Variants in KCMF1 observed in about 807,000 individuals in gnomAD.
KCMF1 encodes E3 ubiquitin-protein ligase KCMF1.
A neutral mutation model predicts 41.1 loss-of-function variants in KCMF1; 3 were observed. The observed-to-expected ratio is 0.07, with a 90% CI of 0.03 to 0.19. The LOEUF (loss-of-function observed/expected upper bound fraction) is 0.19, where lower values mean the gene tolerates loss of function less well. KCMF1 is among the 10% of genes least tolerant of loss of function. KCMF1 has a pLI of 1.00. For synonymous variants in KCMF1, 142 were observed against 164.5 expected (o/e 0.86, Z 1.04); for missense variants, 286 against 488.9 (o/e 0.58, Z 3.91).
chr2:85,053,375 A>G lies in KCMF1; in HGVS notation c.1112A>G (p.Asn371Ser), dbSNP rs756701022. Reference sequence around the variant, plus strand: ...GAAAACCTAAATTTAAAAGAGAGTAATAAAGGAAATGAGCCTCCACCACCT... The same window carrying G: ...GAAAACCTAAATTTAAAAGAGAGTAGTAAAGGAAATGAGCCTCCACCACCT... ...ALENLNLKESNKGNEPPPPPL is the reference protein window; with the variant it reads ...ALENLNLKESSKGNEPPPPPL The change falls in exon 7 of 7, where the codon AAT (asparagine) becomes AGT (serine). Residue 371 changes from asparagine (N) to serine (S), a missense_variant. This residue lies in a region of KCMF1 where 191 missense variants were observed against 279.3 expected (regional missense o/e 0.68). Transcript: ENST00000409785. The G allele has an allele frequency of 6.2e-7, 1 of 1,613,306 alleles. No homozygotes were observed. The highest frequency in any genetic ancestry group is 1.1e-5 in the South Asian group (1 of 90,942).
intron 1 of KCMF1, among the ~76,000 whole-genome samples, chr2:85,026,988 A>T (rs1175519541): frequency 6.6e-6 from 1 of 152,186 alleles, no homozygotes; most frequent in Non-Finnish European, 1.5e-5. Context: ...ACCACTTAAA[A>T]TTCTTGACCC....
At chr2:85,001,695 C>T (rs887303368) in intron 1 of KCMF1, among the ~76,000 whole-genome samples, 8 of 152,138 alleles carry the variant, frequency 5.3e-5, no homozygotes, top group Non-Finnish European at 8.8e-5. Context: ...GTGGGTGATA[C>T]CTCCCAGTTG....
intron 1 of KCMF1, among the ~76,000 whole-genome samples, chr2:84,990,798 G>A (rs1030386012): frequency 7.2e-5 from 11 of 152,114 alleles, no homozygotes; most frequent in Admixed American, 1.3e-4. Flanking sequence ...GTTGGAACAC[G>A]GTAGGACAAC....
At chr2:85,052,475 C>G (rs1172478105) in intron 6 of KCMF1, among the ~76,000 whole-genome samples, 1 of 152,144 alleles carries the variant, frequency 6.6e-6, no homozygotes, top group African/African-American at 2.4e-5. Context: ...TATATTTCAT[C>G]AAGAAATTTG....
rs866021732 is a variant in KCMF1 at position 85,047,010 on chromosome 2, T to C, written c.601+732T>C. On this transcript the variant is annotated intron_variant, in intron 5 of 6. Transcript: ENST00000409785. Reference sequence around the variant, plus strand: ...AGGTGCCTAATTTATAAATTAAACTTTAGCACAACAGATAAGTATGTATAG... The same window carrying C: ...AGGTGCCTAATTTATAAATTAAACTCTAGCACAACAGATAAGTATGTATAG... Among the ~76,000 whole-genome samples the C allele has an allele frequency of 9.9e-5, 15 of 152,198 alleles. 1 individual carries two copies. The highest frequency in any genetic ancestry group is 6.2e-4 in the South Asian group (3 of 4,836).
At chr2:84,978,500 G>A (rs1244715163) in intron 1 of KCMF1, among the ~76,000 whole-genome samples, 1 of 148,864 alleles carries the variant, frequency 6.7e-6, no homozygotes, top group Non-Finnish European at 1.5e-5. Flanking sequence ...TTGGTTTTTG[G>A]GTTTTTTTTT....
At chr2:84,994,298 C>A (rs1674122516) in intron 1 of KCMF1, among the ~76,000 whole-genome samples, 1 of 152,074 alleles carries the variant, frequency 6.6e-6, no homozygotes, top group African/African-American at 2.4e-5. Flanking sequence ...CTTTTACTCA[C>A]AAATATTTCT....
At chr2:85,032,033 T>C (rs1675288723) in intron 2 of KCMF1, among the ~76,000 whole-genome samples, 1 of 152,228 alleles carries the variant, frequency 6.6e-6, no homozygotes, top group African/African-American at 2.4e-5. Context: ...CCACCGCGGC[T>C]GTTTTTTAAA....
At chr2:85,010,819 T>C (rs868395239) in intron 1 of KCMF1, among the ~76,000 whole-genome samples, 1 of 151,990 alleles carries the variant, frequency 6.6e-6, no homozygotes, top group Admixed American at 6.6e-5. Context: ...TGGATTCCTG[T>C]GTTATTCAGT....
chr2:84,972,971 T>C (rs1324439220), intron 1 of KCMF1, among the ~76,000 whole-genome samples: 2 of 152,228 alleles, frequency 1.3e-5, no homozygotes, highest in African/African-American at 2.4e-5. Flanking sequence ...CCACTTCGTC[T>C]GCTTAATCGA....
In KCMF1 at chr2:85,023,811, T is replaced by TTACA. The variant is rs940253145; in HGVS notation, c.17-4077_17-4074dup. The stretch of plus-strand genomic sequence containing the variant: ...AATTTTTCAAAGTGGTTGTGCTGAT[T>TTACA]TACACTCCTACCAGCAGGGTATAAG... On this transcript the variant is annotated intron_variant, in intron 1 of 6. Coordinates refer to ENST00000409785, the MANE Select transcript of KCMF1 (RefSeq NM_020122.5). Among the ~76,000 whole-genome samples, 49 of 152,314 alleles carry TTACA rather than the reference T, an allele frequency of 3.2e-4. 1 individual carries two copies. Among genetic ancestry groups the TTACA allele is most frequent in the Admixed American group, 2.4e-3 (37 of 15,294 alleles).
chr2:85,048,176 A>G lies in KCMF1; in HGVS notation c.602-1190A>G, dbSNP rs370925876. On this transcript the variant is annotated intron_variant, in intron 5 of 6. Transcript: ENST00000409785. ...ATCATGTTATTTAAAAGTTAGATAT[A>G]CCATATAAAATTTTAATTCCAAATG... is the stretch of plus-strand genomic sequence containing the variant. Among the ~76,000 whole-genome samples, 336 of 152,362 alleles carry G rather than the reference A, an allele frequency of 2.2e-3. 1 individual carries two copies. The highest frequency in any genetic ancestry group is 7.5e-3 in the African/African-American group (310 of 41,580).
At chr2:85,008,976 C>G (rs1459307727) in intron 1 of KCMF1, among the ~76,000 whole-genome samples, 1 of 151,996 alleles carries the variant, frequency 6.6e-6, no homozygotes, top group Non-Finnish European at 1.5e-5. Flanking sequence ...GCAGTCTTCC[C>G]ACCTTGGCCT....
At chr2:85,024,332 G>A (rs564438652) in intron 1 of KCMF1, among the ~76,000 whole-genome samples, 1 of 152,134 alleles carries the variant, frequency 6.6e-6, no homozygotes, top group Non-Finnish European at 1.5e-5. Flanking sequence ...AATTAGCTGG[G>A]CATGGTGCCA....
intron 6 of KCMF1, among the ~76,000 whole-genome samples, chr2:85,050,130 A>G (rs1472771860): frequency 2.6e-5 from 4 of 152,184 alleles, no homozygotes; most frequent in African/African-American, 9.7e-5. Context: ...CCTGGGTGAC[A>G]AGAGTGAGAC....
At chr2:85,050,320 G>A (rs2104066779) in intron 6 of KCMF1, among the ~76,000 whole-genome samples, 1 of 152,066 alleles carries the variant, frequency 6.6e-6, no homozygotes, top group Non-Finnish European at 1.5e-5. Flanking sequence ...AATCTGCTTT[G>A]AAATATTAAA....
At chr2:85,035,812 G>A (rs1675390164) in intron 3 of KCMF1, among the ~76,000 whole-genome samples, 1 of 152,140 alleles carries the variant, frequency 6.6e-6, no homozygotes. Context: ...ACACCTAAGA[G>A]TCTCTCCCCC....
intron 1 of KCMF1, among the ~76,000 whole-genome samples, chr2:84,984,275 A>G (rs372574345): frequency 1.7e-4 from 26 of 151,746 alleles, no homozygotes; most frequent in African/African-American, 6.3e-4. Context: ...CTCTATATAT[A>G]TTTTTTGTAG....
At chr2:84,981,162 A>C (rs1380262053) in intron 1 of KCMF1, among the ~76,000 whole-genome samples, 1 of 151,796 alleles carries the variant, frequency 6.6e-6, no homozygotes, top group Admixed American at 6.6e-5. Flanking sequence ...TATCATGACT[A>C]ATTAGGTTTG....
Sources: allele counts gnomAD v4.1 joint callset (sites outside exome capture counted in the v4.1 genomes callset), GRCh38; gene constraint gnomAD v4.1.1; regional missense constraint gnomAD v4.1.1; transcripts MANE v1.5; gene names NCBI Gene and HGNC (gene_info 2026-07-23, HGNC 2026-07-21).